The following COPS7B variants were observed in gnomAD, a reference collection of about 807,000 sequenced individuals.
COPS7B encodes the protein COP9 signalosome complex subunit 7b.
A neutral mutation model predicts 33.4 loss-of-function variants in COPS7B; 9 were observed. That is an observed-to-expected ratio of 0.27 (90% CI 0.16 to 0.47). COPS7B has a LOEUF of 0.47. Ranked by LOEUF, COPS7B falls within the 20% of genes least tolerant of loss-of-function variation. The probability of loss-of-function intolerance (pLI) is 0.99; values close to 1 mark genes in which losing one functional copy is unlikely to be tolerated. For synonymous variants in COPS7B, 119 were observed against 126.3 expected (o/e 0.94, Z 0.39); for missense variants, 242 against 318.2 (o/e 0.76, Z 1.82).
intron 6 of COPS7B, among the ~76,000 whole-genome samples, chr2:231,800,118 T>C (rs756059879): frequency 2.0e-5 from 3 of 152,162 alleles, no homozygotes; most frequent in African/African-American, 7.2e-5. Context: ...TCATAGACCA[T>C]GTTTAATCCG....
At chr2:231,801,114 C>T in intron 6 of COPS7B, 1 of 1,549,740 alleles carries the variant, frequency 6.5e-7, no homozygotes, top group Non-Finnish European at 8.7e-7. Flanking sequence ...GATTGGTGAT[C>T]TTTTCTTTAT....
rs1214077561 is a variant in COPS7B at position 231,798,937 on chromosome 2, C to A, written c.609C>A (p.Asn203Lys). ...LRANQYKENH[N>K]RTQQQVEAEV... is the part of the protein sequence containing the mutation. ...CCAACCAGTACAAAGAGAACCACAACCGAACTCAGCAGCAGGTAGAAGCAG... is the reference window on the plus strand; with the variant it reads ...CCAACCAGTACAAAGAGAACCACAAACGAACTCAGCAGCAGGTAGAAGCAG... The change falls in exon 6 of 7, where the codon AAC becomes AAA. Residue 203 changes from asparagine (N) to lysine (K), a missense_variant. Coordinates refer to ENST00000350033, the MANE Select transcript of COPS7B (RefSeq NM_022730.4). 1 of 1,614,138 alleles carries A rather than the reference C, an allele frequency of 6.2e-7. No individual in the cohort carries two copies. The highest frequency in any genetic ancestry group is 8.5e-7 in the Non-Finnish European group (1 of 1,179,996).
At position 231,791,825 on chromosome 2, in the gene COPS7B, C is replaced by T. The variant is rs748052317; in HGVS notation, c.238+17C>T. On this transcript the variant is annotated intron_variant, in intron 3 of 6. Transcript: ENST00000350033. ...ATTACATAGGTGAGTTGGTGAAGATCCTTCAAAAGACTTGTGTTAATTATG... is the reference window on the plus strand; with the variant it reads ...ATTACATAGGTGAGTTGGTGAAGATTCTTCAAAAGACTTGTGTTAATTATG... 12 of 1,602,488 alleles carry T rather than the reference C, an allele frequency of 7.5e-6. No homozygotes were observed. The South Asian group carries it at 1.3e-4, about 18-fold the overall frequency.
At chr2:231,791,678 C>A in intron 2 of COPS7B, 55 bp from the exon 3 acceptor site, 1 of 1,464,656 alleles carries the variant, frequency 6.8e-7, no homozygotes, top group Non-Finnish European at 9.6e-7. Context: ...TGTTTGAACA[C>A]TACAGTGATT....
At chr2:231,782,112 G>T (rs2049145237), upstream of COPS7B, among the ~76,000 whole-genome samples, 1 of 152,160 alleles carries the variant, frequency 6.6e-6, no homozygotes. Context: ...TGAGGAAATT[G>T]AGGCCCAGAG....
At chr2:231,805,431 A>ATATAT (rs1491440263) in intron 6 of COPS7B, among the ~76,000 whole-genome samples, 7 of 118,826 alleles carry the variant, frequency 5.9e-5, no homozygotes. Context: ...ATATATATAT[A>ATATAT]TTTTTTTTTA....
chr2:231,790,057 A>C (rs896368510), intron 2 of COPS7B: 10 of 152,220 alleles, frequency 6.6e-5, no homozygotes, highest in African/African-American at 2.4e-4. Context: ...AGCCTGACAC[A>C]CAGTAGGCTT....
At chr2:231,799,913 T>C (rs1050973753) in intron 6 of COPS7B, among the ~76,000 whole-genome samples, 2 of 152,216 alleles carry the variant, frequency 1.3e-5, no homozygotes, top group Admixed American at 6.5e-5. Flanking sequence ...ATAAAACCTG[T>C]GTCCTATTTG....
At chr2:231,787,219 C>T (rs1409229458) in intron 1 of COPS7B, among the ~76,000 whole-genome samples, 1 of 152,128 alleles carries the variant, frequency 6.6e-6, no homozygotes, top group Non-Finnish European at 1.5e-5. Flanking sequence ...ATTGTTTTTC[C>T]TGTGTCTGGC....
intron 6 of COPS7B, among the ~76,000 whole-genome samples, chr2:231,804,998 C>CTTAATTTCTTAATTTTT (rs1320341054): frequency 6.6e-6 from 1 of 152,024 alleles, no homozygotes; most frequent in Non-Finnish European, 1.5e-5. Context: ...AAGCAGTGTT[C>CTTAATTTCTTAATTTTT]CCTGAGAAGT....
chr2:231,808,646 A>G lies in COPS7B; in HGVS notation c.*1001A>G. The G allele has an allele frequency of 2.5e-6, 1 of 393,614 alleles. No homozygotes were observed. The allele number at this position is 393,614 out of a possible 1,614,324, so 24.4% of individuals were successfully genotyped here. On this transcript the variant is annotated 3_prime_UTR_variant, in exon 7 of 7. Coordinates refer to ENST00000350033, the MANE Select transcript of COPS7B (RefSeq NM_022730.4). ...AGACTTAACTAGACTTCTGAACTTG[A>G]ACAGTTTCAGGTTATATTTTAATTT... is the stretch of plus-strand genomic sequence containing the variant.
intron 3 of COPS7B, chr2:231,792,146 T>A: frequency 2.0e-6 from 1 of 490,544 alleles, no homozygotes; most frequent in South Asian, 1.6e-5. Context: ...TTTTAAATAT[T>A]ATCAAAATAA....
Position 231,796,265 on chromosome 2 carries a change from C to G in COPS7B, c.487C>G (p.Arg163Gly), listed in dbSNP as rs750397693. The G allele has an allele frequency of 3.7e-6, 6 of 1,614,016 alleles. No individual in the cohort carries two copies. In the South Asian group the frequency reaches 6.6e-5, roughly 18 times the overall value. ...EVDFCIGRDI[R>G]KKDINNIVKT... ...GGATTTCTGCATTGGCCGTGACATC[C>G]GAAAGAAGGATATCAATAATATTGT... The change falls in exon 5 of 7, where the codon CGA becomes GGA. Residue 163 changes from arginine to glycine, a missense_variant. Transcript: ENST00000350033.
chr2:231,786,717 C>T (rs576870858), intron 1 of COPS7B, among the ~76,000 whole-genome samples, 179 bp downstream of exon 1: 83 of 152,340 alleles, frequency 5.4e-4, no homozygotes, highest in East Asian at 4.3e-3. Flanking sequence ...GCATACCGCC[C>T]ACCGTGAGGT....
At chr2:231,802,796 C>A (rs983446861) in intron 6 of COPS7B, among the ~76,000 whole-genome samples, 1 of 152,222 alleles carries the variant, frequency 6.6e-6, no homozygotes, top group Non-Finnish European at 1.5e-5. Context: ...ATTTTAAGAT[C>A]CCCTTCCACT....
chr2:231,802,928 C>T (rs2049788910), intron 6 of COPS7B, among the ~76,000 whole-genome samples: 1 of 152,242 alleles, frequency 6.6e-6, no homozygotes, highest in Non-Finnish European at 1.5e-5. Flanking sequence ...CATGGCCCTG[C>T]CCCAGCCCAG....
Position 231,798,768 on chromosome 2 carries a change from C to A in COPS7B, c.531-91C>A, listed in dbSNP as rs1559368270. ...TATTAAAGGAGGTCCCTGTAAGATACTGGGGAGAGCTGTTGGGGAAGAATA... is the reference window on the plus strand; with the variant it reads ...TATTAAAGGAGGTCCCTGTAAGATAATGGGGAGAGCTGTTGGGGAAGAATA... On this transcript the variant is annotated intron_variant, in intron 5 of 6. Coordinates refer to ENST00000350033, the MANE Select transcript of COPS7B (RefSeq NM_022730.4). 8.9e-6 allele frequency: 9 copies of A among 1,006,716 alleles called. No individual in the cohort carries two copies. The East Asian group carries it at 1.8e-4, about 20-fold the overall frequency. 62.4% of individuals were successfully genotyped at this position (1,006,716 alleles called of 1,614,324 possible). A position where few individuals can be genotyped will look rare whatever the true frequency, so the allele number is the denominator to read the frequency against.
chr2:231,805,470 T>TATA, intron 6 of COPS7B, among the ~76,000 whole-genome samples: 1 of 135,284 alleles, frequency 7.4e-6, no homozygotes, highest in African/African-American at 2.7e-5. Flanking sequence ...ATATATATAT[T>TATA]TATATATTTC....
In COPS7B at chr2:231,796,192, T is replaced by C. The variant is rs1392870924; in HGVS notation, c.414T>C (p.Thr138=). 2 of 1,614,174 alleles carry C rather than the reference T, an allele frequency of 1.2e-6. No individual in the cohort carries two copies. Among genetic ancestry groups the C allele is most frequent in the Non-Finnish European group, 1.7e-6 (2 of 1,180,030 alleles). The change falls in exon 5 of 7, where the codon ACT becomes ACC. Residue 138 remains threonine (T), a synonymous_variant. Coordinates refer to ENST00000350033, the MANE Select transcript of COPS7B (RefSeq NM_022730.4). ...ACCTTATCATTGAGGCTGTCTACAC[T>C]GACATCATCCAGGGCAAGCTGGACC... The part of the protein sequence containing the change: ...LEDLIIEAVY[T]DIIQGKLDQR...
Sources: gnomAD v4.1 joint callset for allele counts (sites outside exome capture counted in the v4.1 genomes callset) on GRCh38, gnomAD v4.1.1 for gene constraint, MANE v1.5 for transcripts, NCBI Gene and HGNC (gene_info 2026-07-23, HGNC 2026-07-21) for gene names.